TMTC1: variants seen among roughly 807,000 people sequenced by gnomAD.
TMTC1 encodes protein O-mannosyl-transferase TMTC1.
TMTC1 carries 73 observed loss-of-function variants against 104.8 expected under a neutral mutation model. The observed-to-expected ratio is 0.70, with a 90% confidence interval of 0.58 to 0.85. The LOEUF (loss-of-function observed/expected upper bound fraction) is 0.85, where lower values mean the gene tolerates loss of function less well. TMTC1 is among the 40% of genes least tolerant of loss of function. The probability of loss-of-function intolerance (pLI) is 0.00; values close to 1 mark genes in which losing one functional copy is unlikely to be tolerated. For synonymous variants in TMTC1, 434 were observed against 428.7 expected, an observed-to-expected ratio of 1.01 and a Z score of -0.15; for missense variants, 1,035 against 1,096.1, an observed-to-expected ratio of 0.94 and a Z score of 0.79.
At chr12:29,690,094 C>T (rs1398286189) in intron 5 of TMTC1, among the ~76,000 whole-genome samples, 3 of 152,130 alleles carry the variant, frequency 2.0e-5, no homozygotes, top group Non-Finnish European at 2.9e-5. Flanking sequence ...AAACCAATCC[C>T]TGCTATAATA....
intron 1 of TMTC1, among the ~76,000 whole-genome samples, chr12:29,779,345 T>C (rs1041411969): frequency 2.0e-5 from 3 of 152,210 alleles, no homozygotes; most frequent in African/African-American, 7.2e-5. Flanking sequence ...CCAAGAAACA[T>C]AGTCCCAACT....
At chr12:29,705,309 T>A (rs1245775542) in intron 5 of TMTC1, among the ~76,000 whole-genome samples, 1 of 152,194 alleles carries the variant, frequency 6.6e-6, no homozygotes, top group Non-Finnish European at 1.5e-5. Flanking sequence ...AATATGCTAC[T>A]CCAAAATAAG....
rs1400162892 is a variant in TMTC1, at chr12:29,502,725, A to AG, written c.*4120dup. Reference sequence around the variant, plus strand: ...TAGACTTAAAAGTAAAAATTGCAAAAGATGATAAACATCTATTATTTTGTA... The same window carrying AG: ...TAGACTTAAAAGTAAAAATTGCAAAAGGATGATAAACATCTATTATTTTGTA... On this transcript the variant is annotated 3_prime_UTR_variant, in exon 18 of 18. Coordinates refer to ENST00000539277, the MANE Select transcript of TMTC1 (RefSeq NM_001193451.2). The AG allele has an allele frequency of 2.0e-5, 3 of 152,258 alleles. No individual in the cohort carries two copies. In the East Asian group the frequency reaches 5.8e-4, roughly 29 times the overall value. 9.4% of individuals were successfully genotyped at this position (152,258 alleles called of 1,614,324 possible).
In TMTC1 at chr12:29,592,990, CA is replaced by C. The variant is rs1402312050; in HGVS notation, c.1251-9417del. 4.6e-5 allele frequency among the ~76,000 whole-genome samples: 7 copies of C among 152,268 alleles called. No individual in the cohort carries two copies. The East Asian group carries it at 7.7e-4, about 17-fold the overall frequency. ...GGACTCTATTAGGTACAGTGGAACA[CA>C]AATGTTCTAGTGCAGACTTTATGTT... On this transcript the variant is annotated intron_variant, in intron 7 of 17. Coordinates refer to ENST00000539277, the MANE Select transcript of TMTC1 (RefSeq NM_001193451.2).
Position 29,623,834 on chromosome 12 carries a change from A to G in TMTC1, c.1128+9313T>C, listed in dbSNP as rs1937819968. Among the ~76,000 whole-genome samples, 3 of 149,966 alleles carry G rather than the reference A, an allele frequency of 2.0e-5. No homozygotes were observed. In the South Asian group the frequency reaches 6.3e-4, roughly 32 times the overall value. ...GCTCAAAAATAAATAAATAAATTAA[A>G]TTAAATTAAATTAAATTAAATTAAA... On this transcript the variant is annotated intron_variant, in intron 6 of 17. Transcript: ENST00000539277.
chr12:29,783,475 G>T lies in TMTC1; in HGVS notation c.277C>A (p.Arg93=), dbSNP rs1474618059. The change falls in exon 1 of 18, where the codon CGG becomes AGG. Residue 93 remains arginine, a synonymous_variant. Coordinates refer to ENST00000539277, the MANE Select transcript of TMTC1 (RefSeq NM_001193451.2). The surrounding 1 kb of genome is among the most constrained non-coding windows in gnomAD (Gnocchi z 4.7). Reference sequence around the variant, plus strand: ...TTGAAGGTGAGGACGCAGAGCGGCCGGTAGGACTTGTGGCTGGTGTTCTCG... The same window carrying T: ...TTGAAGGTGAGGACGCAGAGCGGCCTGTAGGACTTGTGGCTGGTGTTCTCG... The part of the protein sequence containing the change: ...MAENTSHKSY[R]PLCVLTFKLN... 4.4e-6 allele frequency: 6 copies of T among 1,351,106 alleles called. No homozygotes were observed. The highest frequency in any genetic ancestry group is 3.8e-6 in the Non-Finnish European group (4 of 1,045,242). 83.7% of individuals were successfully genotyped at this position (1,351,106 alleles called of 1,614,324 possible).
chr12:29,538,525 A>C (rs886769731), intron 10 of TMTC1, among the ~76,000 whole-genome samples: 15 of 108,446 alleles, frequency 1.4e-4, no homozygotes, highest in African/African-American at 4.0e-4. Flanking sequence ...TATTCTTCAA[A>C]TCAGGAGAGA....
intron 5 of TMTC1, among the ~76,000 whole-genome samples, chr12:29,746,950 G>A (rs886546028): frequency 2.6e-5 from 4 of 152,242 alleles, no homozygotes; most frequent in Non-Finnish European, 5.9e-5. Flanking sequence ...AATAGTGCCT[G>A]ACACATAGTA....
chr12:29,552,373 G>C (rs1315929574), intron 10 of TMTC1, among the ~76,000 whole-genome samples: 1 of 151,944 alleles, frequency 6.6e-6, no homozygotes, highest in Non-Finnish European at 1.5e-5. Flanking sequence ...AAAATAATTT[G>C]AATACATTAG....
chr12:29,763,956 T>C (rs983894349), intron 2 of TMTC1, among the ~76,000 whole-genome samples: 4 of 152,196 alleles, frequency 2.6e-5, no homozygotes, highest in Admixed American at 6.5e-5. Flanking sequence ...AGATGGAACA[T>C]TAAACTGGAG....
chr12:29,516,222 T>C (rs1370249360), intron 15 of TMTC1, 127 bp downstream of exon 15: 6 of 1,176,258 alleles, frequency 5.1e-6, no homozygotes, highest in Non-Finnish European at 7.0e-6. Flanking sequence ...TTCCAAGAGA[T>C]AGGATATGCT....
intron 11 of TMTC1, among the ~76,000 whole-genome samples, chr12:29,531,927 T>C (rs1319860045): frequency 6.6e-6 from 1 of 152,142 alleles, no homozygotes; most frequent in South Asian, 2.1e-4. Context: ...CCCAGTGTCA[T>C]CTAATGCAAG....
At chr12:29,751,138 C>G (rs144092839) in intron 5 of TMTC1, among the ~76,000 whole-genome samples, 4 of 152,306 alleles carry the variant, frequency 2.6e-5, no homozygotes, top group African/African-American at 9.6e-5. Context: ...GGGAGCAACA[C>G]CTGTGCTGAT....
chr12:29,542,976 A>C (rs1471520574), intron 10 of TMTC1, among the ~76,000 whole-genome samples: 2 of 152,136 alleles, frequency 1.3e-5, no homozygotes, highest in African/African-American at 2.4e-5. Flanking sequence ...AAATCTCCTA[A>C]TATTTTGCAG....
chr12:29,639,140 C>T (rs536675043), intron 5 of TMTC1, among the ~76,000 whole-genome samples: 1 of 152,328 alleles, frequency 6.6e-6, no homozygotes, highest in South Asian at 2.1e-4. Context: ...GTAGTATGAT[C>T]TAGCCTCTGC....
intron 6 of TMTC1, among the ~76,000 whole-genome samples, chr12:29,613,404 G>C (rs908588103): frequency 6.6e-6 from 1 of 152,186 alleles, no homozygotes; most frequent in South Asian, 2.1e-4. Flanking sequence ...TGTCTGAGGA[G>C]GGGGTGGAGA....
intron 5 of TMTC1, among the ~76,000 whole-genome samples, chr12:29,728,998 C>CAAAAA (rs34267484): frequency 1.5e-5 from 1 of 68,744 alleles, no homozygotes; most frequent in Non-Finnish European, 2.9e-5. Context: ...ACTCCATCTC[C>CAAAAA]AAAAAAAAAA....
rs377320032 is a variant in TMTC1, at chr12:29,728,756, T to G, written c.938+22910A>C. ...GCTTACGCCTGTAATCTCAGCACTT[T>G]GGGAGGCCAAGGGAGGTGGATCACG... On this transcript the variant is annotated intron_variant, in intron 5 of 17. Transcript: ENST00000539277. Among the ~76,000 whole-genome samples the G allele has an allele frequency of 1.4e-4, 21 of 151,292 alleles. No individual in the cohort carries two copies. In the East Asian group the frequency reaches 2.3e-3, roughly 17 times the overall value.
chr12:29,778,543 G>A (rs1029181775), intron 1 of TMTC1, among the ~76,000 whole-genome samples: 1 of 152,016 alleles, frequency 6.6e-6, no homozygotes, highest in African/African-American at 2.4e-5. Flanking sequence ...GGCCAGGGAA[G>A]GAAAAAGAAG....
Sources: gnomAD v4.1 joint callset for allele counts (sites outside exome capture counted in the v4.1 genomes callset) on GRCh38, gnomAD v4.1.1 for gene constraint, Gnocchi (gnomAD v3.1) non-coding constraint, MANE v1.5 for transcripts, NCBI Gene and HGNC (gene_info 2026-07-23, HGNC 2026-07-21) for gene names.